The following CLDN19 variants were observed in gnomAD, a reference collection of about 807,000 sequenced individuals.
CLDN19 encodes claudin-19.
In CLDN19, 19 loss-of-function variants were observed where a neutral mutation model predicts 24.5. The ratio of observed to expected loss-of-function variants is 0.78; its 90% CI spans 0.54 to 1.14. The LOEUF is 1.14. CLDN19 is among the 50% of genes most tolerant of loss of function. The pLI is 0.00. For missense variants in CLDN19, 250 were observed against 295.9 expected (o/e 0.84, Z 1.14); for synonymous variants, 117 against 129.6 (o/e 0.90, Z 0.66).
At chr1:42,737,042 C>T (rs1651396045) in intron 3 of CLDN19, among the ~76,000 whole-genome samples, 1 of 152,198 alleles carries the variant, frequency 6.6e-6, no homozygotes. Flanking sequence ...ATCCTCTCTC[C>T]ACCCCAAGGC....
rs993965686 is a variant in CLDN19, at chr1:42,735,535, C to T, written c.626+343G>A. On this transcript the variant is annotated intron_variant, in intron 4 of 4. Transcript: ENST00000296387. ...TCTATCTCTAGGGCCCAGCACGTAG[C>T]AGACACCCAAGCAGCTCTTCAGTGA... is the stretch of plus-strand genomic sequence containing the variant. The T allele has an allele frequency of 3.5e-6, 5 of 1,416,880 alleles. No individual in the cohort carries two copies. The African/African-American group carries it at 4.3e-5, about 12-fold the overall frequency. The allele number at this position is 1,416,880 out of a possible 1,614,324, so 87.8% of individuals were successfully genotyped here.
chr1:42,736,169 T>G, intron 3 of CLDN19, 139 bp from the exon 4 acceptor site: 1 of 626,568 alleles, frequency 1.6e-6, no homozygotes, highest in East Asian at 2.7e-5. Context: ...TCCAGATAAA[T>G]TGAGGTGAAT....
Position 42,739,960 on chromosome 1 carries a change from T to C in CLDN19, c.104A>G (p.Tyr35Cys). 1.2e-6 allele frequency: 2 copies of C among 1,603,196 alleles called. No individual in the cohort carries two copies. The highest frequency in any genetic ancestry group is 1.7e-6 in the Non-Finnish European group (2 of 1,175,090). The stretch of plus-strand genomic sequence containing the variant: ...GGCAGTGATGATGGCGTCGCCTGCG[T>C]AGGAAGACTGCTTCCACTGTGGCAG... ...TALPQWKQSS[Y>C]AGDAIITAVG... The change falls in exon 1 of 5, where the codon TAC becomes TGC. Residue 35 changes from tyrosine to cysteine, a missense_variant. By Grantham distance (194) the Tyr-to-Cys change is radical. Transcript: ENST00000296387.
intron 4 of CLDN19, chr1:42,735,410 G>A: frequency 2.1e-6 from 3 of 1,422,610 alleles, no homozygotes; most frequent in Non-Finnish European, 2.7e-6. Context: ...TCCCGGCACT[G>A]CCCTTGTGGG....
Position 42,735,153 on chromosome 1 carries a change from A to G in CLDN19, c.627-19T>C. Reference sequence around the variant, plus strand: ...AACTGGTCTGAAAGTCAAAAGAGAGAGAGCTGGTTAGTGGAGTGAGCTGTG... The same window carrying G: ...AACTGGTCTGAAAGTCAAAAGAGAGGGAGCTGGTTAGTGGAGTGAGCTGTG... On this transcript the variant is annotated intron_variant, in intron 4 of 4. Coordinates refer to ENST00000296387, the MANE Select transcript of CLDN19 (RefSeq NM_148960.3). 1 of 1,613,878 alleles carries G rather than the reference A, an allele frequency of 6.2e-7. No homozygotes were observed. The highest frequency in any genetic ancestry group is 2.2e-5 in the East Asian group (1 of 44,886).
chr1:42,738,444 C>T lies in CLDN19; in HGVS notation c.365G>A (p.Gly122Glu), dbSNP rs1651441969. 1 of 1,613,922 alleles carries T rather than the reference C, an allele frequency of 6.2e-7. No homozygotes were observed. Among genetic ancestry groups the T allele is most frequent in the African/African-American group, 1.3e-5 (1 of 74,944 alleles). Residue 122 changes from glycine to glutamate, a missense_variant, in exon 2 of 5, where the codon GGG (glycine) becomes GAG (glutamate). Coordinates refer to ENST00000296387, the MANE Select transcript of CLDN19 (RefSeq NM_148960.3). Reference protein sequence around the residue: ...PIAKGRVAIAGGALFILAGLC... With the variant: ...PIAKGRVAIAEGALFILAGLC... ...ACCTGCCAGGATGAAGAGGGCTCCC[C>T]CGGCGATGGCAACACGGCCCTTGGC...
chr1:42,735,175 T>C (rs770230972), intron 4 of CLDN19, 41 bp from the exon 5 acceptor site: 2 of 1,612,916 alleles, frequency 1.2e-6, no homozygotes, highest in Admixed American at 1.7e-5. Flanking sequence ...TGGAGTGAGC[T>C]GTGGGGTCGG....
intron 4 of CLDN19, chr1:42,735,344 G>A: frequency 1.4e-6 from 2 of 1,450,650 alleles, no homozygotes; most frequent in Non-Finnish European, 1.8e-6. Flanking sequence ...TGGGCGCACT[G>A]GAAGAACCTG....
At position 42,739,372 on chromosome 1, in the gene CLDN19, GTGCGTGTGCATGCGTGTTTGCA is replaced by G. The variant is rs1452784374; in HGVS notation, c.223+447_223+468del. On this transcript the variant is annotated intron_variant, in intron 1 of 4. Transcript: ENST00000296387. ...TGTCTGTGCATGCATGTGCACGTGT[GTGCGTGTGCATGCGTGTTTGCA>G]TGCATGTGCATGCACCCATATGCTG... Among the ~76,000 whole-genome samples the G allele has an allele frequency of 6.6e-5, 10 of 152,240 alleles. No homozygotes were observed. The South Asian group carries it at 1.0e-3, about 16-fold the overall frequency.
chr1:42,734,953 CCCGT>C lies in CLDN19; in HGVS notation c.*129_*132del. ...CAGCACTGACCACTCTGACACAGGC[CCCGT>C]CCAAGCCACGCTGAGGACAGACCGA... On this transcript the variant is annotated 3_prime_UTR_variant, in exon 5 of 5. Coordinates refer to ENST00000296387, the MANE Select transcript of CLDN19 (RefSeq NM_148960.3). The C allele has an allele frequency of 1.3e-6, 1 of 767,118 alleles. No homozygotes were observed. The highest frequency in any genetic ancestry group is 1.7e-5 in the South Asian group (1 of 60,484). 47.5% of individuals were successfully genotyped at this position (767,118 alleles called of 1,614,324 possible).
intron 3 of CLDN19, among the ~76,000 whole-genome samples, chr1:42,737,980 G>T (rs572465795): frequency 1.3e-5 from 2 of 152,150 alleles, no homozygotes; most frequent in South Asian, 4.1e-4. Flanking sequence ...ACTGCACCCA[G>T]CCAGAGCTGG....
chr1:42,735,301 G>T (rs533160815), intron 4 of CLDN19, 167 bp from the exon 5 acceptor site: 2 of 1,505,858 alleles, frequency 1.3e-6, no homozygotes, highest in East Asian at 4.9e-5. Flanking sequence ...GCCATGGTCC[G>T]ACCTCACCAT....
intron 4 of CLDN19, 66 bp downstream of exon 4, chr1:42,735,812 G>C: frequency 1.3e-6 from 2 of 1,550,088 alleles, no homozygotes; most frequent in Non-Finnish European, 1.7e-6. Context: ...TGCGAGGCTG[G>C]CTGGATGCTG....
intron 1 of CLDN19, 85 bp from the exon 2 acceptor site, chr1:42,738,670 T>C: frequency 7.3e-7 from 1 of 1,367,098 alleles, no homozygotes; most frequent in African/African-American, 1.4e-5. Context: ...GAGCCCAGCT[T>C]GAGAGGGGCT....
rs1028632951 is a variant in CLDN19, at chr1:42,734,275, C to G, written c.*811G>C. 7 of 152,388 alleles carry G rather than the reference C, an allele frequency of 4.6e-5. No homozygotes were observed. The highest frequency in any genetic ancestry group is 1.3e-4 in the Admixed American group (2 of 15,294). 9.4% of individuals were successfully genotyped at this position (152,388 alleles called of 1,614,324 possible). A position where few individuals can be genotyped will look rare whatever the true frequency, so the allele number is the denominator to read the frequency against. ...TACCTGGACTTCAAGACCAAAAGCC[C>G]TTCTCTGACCGCACTGCTGAGTGCA... On this transcript the variant is annotated 3_prime_UTR_variant, in exon 5 of 5. Coordinates refer to ENST00000296387, the MANE Select transcript of CLDN19 (RefSeq NM_148960.3).
intron 3 of CLDN19, among the ~76,000 whole-genome samples, chr1:42,736,424 A>G (rs7548008): frequency 0.45 from 68,311 of 151,980 alleles, 15,537 homozygotes; most frequent in South Asian, 0.59. Context: ...CTCCCAGCCA[A>G]GACTGCTCCC....
intron 4 of CLDN19, 32 bp downstream of exon 4, chr1:42,735,846 G>A (rs1300141317): frequency 6.4e-7 from 1 of 1,563,136 alleles, no homozygotes; most frequent in Non-Finnish European, 8.7e-7. Flanking sequence ...CTGGGTGGGG[G>A]GCTGGCCAGG....
intron 4 of CLDN19, 200 bp from the exon 5 acceptor site, chr1:42,735,334 T>C: frequency 6.9e-7 from 1 of 1,457,252 alleles, no homozygotes; most frequent in Non-Finnish European, 9.0e-7. Context: ...CCCCCAGCCC[T>C]GGGCGCACTG....
rs145157550 is a variant in CLDN19 at position 42,735,878 on chromosome 1, T to C, written c.626A>G (p.Glu209Gly). ...CAGGGCAGGCGGAGCTCAGACGTAC[T>C]CTCGGGCAGCAGCAGAGGGTCCAGG... ...YRPGPSAAAR[E>G]PVVKLPASAK... The change falls in exon 4 of 5, where the codon GAA (glutamate) becomes GGA (glycine). Residue 209 changes from glutamate to glycine, a missense_variant and splice_region_variant. Physicochemically the swap from Glu to Gly is moderately conservative, Grantham distance 98 (BLOSUM62 -2). Coordinates refer to ENST00000296387, the MANE Select transcript of CLDN19 (RefSeq NM_148960.3). The C allele has an allele frequency of 5.0e-5, 79 of 1,575,796 alleles. No individual in the cohort carries two copies. The Middle Eastern group carries it at 5.1e-4, about 10-fold the overall frequency.
Sources: allele counts gnomAD v4.1 joint callset (sites outside exome capture counted in the v4.1 genomes callset), GRCh38; gene constraint gnomAD v4.1.1; transcripts MANE v1.5; gene names NCBI Gene and HGNC (gene_info 2026-07-23, HGNC 2026-07-21).